Variants in FAT2 observed in about 807,000 individuals in gnomAD.
The protein encoded by FAT2 is FAT atypical cadherin 2, also known as protocadherin Fat 2.
FAT2 carries 150 observed loss-of-function variants against 295.3 expected under a neutral mutation model. The observed-to-expected ratio is 0.51, with a 90% CI of 0.44 to 0.58. The LOEUF (loss-of-function observed/expected upper bound fraction) is 0.58. FAT2 is among the 20% of genes least tolerant of loss of function. The pLI, the probability that FAT2 is intolerant of heterozygous loss-of-function variation, is 0.00. For synonymous variants in FAT2, 2,026 were observed against 2,150.3 expected (o/e 0.94, Z 1.60); for missense variants, 4,868 against 5,442.7 (o/e 0.89, Z 3.32).
rs374768613 is a variant in FAT2 at position 151,534,648 on chromosome 5, C to T, written c.9194-6G>A. 1.4e-4 allele frequency: 229 copies of T among 1,600,388 alleles called. No individual in the cohort carries two copies. The highest frequency in any genetic ancestry group is 5.7e-4 in the Admixed American group (34 of 59,698). ...AGTGAGTGTGGTCAGCTCCCCTGGTCGGAGAAATGACAAAAGTTGAGCTTT... is the reference window on the plus strand; with the variant it reads ...AGTGAGTGTGGTCAGCTCCCCTGGTTGGAGAAATGACAAAAGTTGAGCTTT... On this transcript the variant is annotated splice_polypyrimidine_tract_variant and splice_region_variant and intron_variant, in intron 12 of 23. Coordinates refer to ENST00000261800, the MANE Select transcript of FAT2 (RefSeq NM_001447.3).
rs975727922 is a variant in FAT2 at position 151,545,929 on chromosome 5, C to G, written c.5198G>C (p.Ser1733Thr). The G allele has an allele frequency of 1.1e-5, 17 of 1,614,142 alleles. No homozygotes were observed. Among genetic ancestry groups the G allele is most frequent in the Non-Finnish European group, 1.4e-5 (16 of 1,180,028 alleles). Residue 1733 changes from serine to threonine, a missense_variant, in exon 10 of 24, where the codon AGC (serine) becomes ACC (threonine). Ser to Thr is a moderately conservative substitution (Grantham distance 58, BLOSUM62 1). Coordinates refer to ENST00000261800, the MANE Select transcript of FAT2 (RefSeq NM_001447.3). Reference protein sequence around the residue: ...ISSYQLKIRGSNMAGAFTDVM... With the variant: ...ISSYQLKIRGTNMAGAFTDVM... ...ATCAGTAAATGCACCTGCCATATTG[C>G]TGCCTCGGATTTTCAGCTGGTAAGA...
At chr5:151,534,783 C>G in intron 12 of FAT2, 141 bp from the exon 13 acceptor site, 1 of 639,278 alleles carries the variant, frequency 1.6e-6, no homozygotes, top group Non-Finnish European at 2.7e-6. Context: ...GTCAGGAAAG[C>G]AGCTAAGCCT....
At chr5:151,594,088 G>T (rs1457857826), upstream of FAT2, among the ~76,000 whole-genome samples, 1 of 152,168 alleles carries the variant, frequency 6.6e-6, no homozygotes, top group Non-Finnish European at 1.5e-5. Flanking sequence ...CACCACAATG[G>T]ATTAGGTGCT....
Position 151,545,323 on chromosome 5 carries a change from A to G in FAT2, c.5804T>C (p.Leu1935Pro). ...ISVLNPAFLG[L>P]SRKLTIRASD... ...AGCCCTGATGGTGAGCTTCCGAGAG[A>G]GTCCCAGGAAAGCAGGATTCAGCAC... Residue 1935 changes from leucine to proline, a missense_variant, in exon 10 of 24, where the codon CTC becomes CCC. By Grantham distance (98) the Leu-to-Pro change is moderately conservative (BLOSUM62 -3). Coordinates refer to ENST00000261800, the MANE Select transcript of FAT2 (RefSeq NM_001447.3). 1 of 1,614,156 alleles carries G rather than the reference A, an allele frequency of 6.2e-7. No individual in the cohort carries two copies. Among genetic ancestry groups the G allele is most frequent in the Non-Finnish European group, 8.5e-7 (1 of 1,180,032 alleles).
intron 1 of FAT2, among the ~76,000 whole-genome samples, chr5:151,590,596 C>T (rs1189552239): frequency 6.6e-6 from 1 of 152,178 alleles, no homozygotes; most frequent in Non-Finnish European, 1.5e-5. Flanking sequence ...CCCCATTCTA[C>T]AGTCAGGGAA....
chr5:151,586,148 G>T (rs1759159195), intron 1 of FAT2, among the ~76,000 whole-genome samples: 1 of 152,228 alleles, frequency 6.6e-6, no homozygotes, highest in African/African-American at 2.4e-5. Flanking sequence ...GATGCTGCAG[G>T]GACAGGCAGC....
intron 1 of FAT2, among the ~76,000 whole-genome samples, chr5:151,579,835 A>G (rs1422097444): frequency 6.6e-6 from 1 of 152,132 alleles, no homozygotes; most frequent in Non-Finnish European, 1.5e-5. Flanking sequence ...CAGCACATGC[A>G]TGGCACCTAG....
intron 21 of FAT2, chr5:151,511,458 A>G (rs1008492410): frequency 6.6e-6 from 1 of 152,312 alleles, no homozygotes; most frequent in Non-Finnish European, 1.5e-5. Context: ...TGAGCCTGTG[A>G]CTTCCACCCC....
At chr5:151,575,365 T>G (rs1474831869) in intron 1 of FAT2, among the ~76,000 whole-genome samples, 1 of 152,222 alleles carries the variant, frequency 6.6e-6, no homozygotes, top group Non-Finnish European at 1.5e-5. Context: ...TGGACAGAAT[T>G]AAAAGTTAAG....
chr5:151,520,048 G>T (rs917670559), intron 19 of FAT2, among the ~76,000 whole-genome samples: 1 of 152,180 alleles, frequency 6.6e-6, no homozygotes, highest in Non-Finnish European at 1.5e-5. Flanking sequence ...AGCAGGCCCT[G>T]GGGCAAGAAA....
Position 151,531,807 on chromosome 5 carries a change from C to T in FAT2, c.9591G>A (p.Pro3197=), listed in dbSNP as rs764218563. Residue 3197 remains proline (P), a synonymous_variant, in exon 14 of 24, where the codon CCG becomes CCA. Transcript: ENST00000261800. The surrounding 1 kb of genome is among the most constrained non-coding windows in gnomAD (Gnocchi z 5.7). Reference sequence around the variant, plus strand: ...CTGTGACGGTGCCCAGCGTGGACAGCGGTATTGGGGTGCCCAGGTCAGAGG... The same window carrying T: ...CTGTGACGGTGCCCAGCGTGGACAGTGGTATTGGGGTGCCCAGGTCAGAGG... ...VRASDLGTPI[P]LSTLGTVTVS... 4 of 1,613,360 alleles carry T rather than the reference C, an allele frequency of 2.5e-6. No homozygotes were observed. Among genetic ancestry groups the T allele is most frequent in the East Asian group, 4.5e-5 (2 of 44,856 alleles).
intron 19 of FAT2, among the ~76,000 whole-genome samples, chr5:151,518,393 AAATC>A (rs1168299331): frequency 9.8e-6 from 1 of 101,922 alleles, no homozygotes; most frequent in Non-Finnish European, 2.2e-5. Flanking sequence ...AAGAAAGTAA[AAATC>A]AGGCCAGAAA....
chr5:151,522,052 A>G lies in FAT2; in HGVS notation c.10541T>C (p.Leu3514Ser), dbSNP rs2053028. ...TGTGACATGGACACGGACAGACGTC[A>G]AAGACGAGAGGGGAGGGATGCCACT... Reference protein sequence around the residue: ...SDSGIPPLSSLTSVRVHVTEQ... With the variant: ...SDSGIPPLSSSTSVRVHVTEQ... Residue 3514 changes from leucine to serine, a missense_variant, in exon 19 of 24, where the codon TTG becomes TCG. By Grantham distance (145) the Leu-to-Ser change is moderately radical. Around this residue, in one of 5 missense-constraint regions of FAT2, gnomAD observed 1,046 missense variants for 1,210.1 expected, o/e 0.86. Coordinates refer to ENST00000261800, the MANE Select transcript of FAT2 (RefSeq NM_001447.3). 0.74 allele frequency: 1,177,886 copies of G among 1,599,826 alleles called. 436,665 individuals are homozygous for G. Among genetic ancestry groups the G allele is most frequent in the East Asian group, 0.95 (42,189 of 44,524 alleles).
At chr5:151,518,569 A>G (rs1029162553) in intron 19 of FAT2, among the ~76,000 whole-genome samples, 9 of 152,160 alleles carry the variant, frequency 5.9e-5, no homozygotes, top group African/African-American at 1.9e-4. Flanking sequence ...TATGAGCAGG[A>G]GTTAATCATT....
upstream of FAT2, among the ~76,000 whole-genome samples, chr5:151,592,295 A>G (rs1759443602): frequency 6.6e-6 from 1 of 152,096 alleles, no homozygotes; most frequent in Non-Finnish European, 1.5e-5. Flanking sequence ...CTCGTTTTGT[A>G]TGTTCATGCA....
chr5:151,542,670 C>T lies in FAT2; in HGVS notation c.8457G>A (p.Val2819=). Residue 2819 remains valine, a synonymous_variant, in exon 10 of 24, where the codon GTG becomes GTA. Transcript: ENST00000261800. ...NMPVGTSVIQ[V]TAIDKDTGRD... Reference sequence around the variant, plus strand: ...TCCCAGTGTCCTTGTCAATGGCAGTCACTTGAATGACTGAGGTCCCCACTG... The same window carrying T: ...TCCCAGTGTCCTTGTCAATGGCAGTTACTTGAATGACTGAGGTCCCCACTG... The T allele has an allele frequency of 6.2e-7, 1 of 1,614,210 alleles. No homozygotes were observed. The highest frequency in any genetic ancestry group is 8.5e-7 in the Non-Finnish European group (1 of 1,180,038).
intron 2 of FAT2, among the ~76,000 whole-genome samples, chr5:151,565,116 TAAGTAA>T (rs1035984591): frequency 3.3e-5 from 5 of 152,140 alleles, no homozygotes; most frequent in Admixed American, 6.5e-5. Context: ...CCCAGGCATA[TAAGTAA>T]AAGTATATAA....
chr5:151,550,544 C>T (rs1294631044), intron 8 of FAT2, 46 bp downstream of exon 8: 8 of 1,597,084 alleles, frequency 5.0e-6, no homozygotes, highest in African/African-American at 1.3e-5. Context: ...CACCCCTACA[C>T]ATCTACATGC....
chr5:151,585,329 A>G (rs1450230268), intron 1 of FAT2, among the ~76,000 whole-genome samples: 1 of 152,230 alleles, frequency 6.6e-6, no homozygotes, highest in Non-Finnish European at 1.5e-5. Context: ...ATAAAAATTT[A>G]TCAGCTGTGG....
Sources: allele counts gnomAD v4.1 joint callset (sites outside exome capture counted in the v4.1 genomes callset), GRCh38; gene constraint gnomAD v4.1.1; regional missense constraint gnomAD v4.1.1; non-coding constraint Gnocchi (gnomAD v3.1); transcripts MANE v1.5; gene names NCBI Gene and HGNC (gene_info 2026-07-23, HGNC 2026-07-21).